Variants in NRG4 observed in about 807,000 individuals in gnomAD.
NRG4 encodes the protein neuregulin 4.
In NRG4, 10 loss-of-function variants were observed where a neutral mutation model predicts 15.0. That is an observed-to-expected ratio of 0.67 (90% CI 0.41 to 1.13). The LOEUF (loss-of-function observed/expected upper bound fraction) is 1.13, where lower values mean the gene tolerates loss of function less well. Among genes scored for constraint, NRG4 ranks in the 50% most tolerant of loss-of-function variants. NRG4 has a pLI of 0.00. For missense variants in NRG4, 139 were observed against 140.2 expected (o/e 0.99, Z 0.04); for synonymous variants, 41 against 50.1 (o/e 0.82, Z 0.77).
chr15:76,036,228 A>C (rs1201647430), intron 4 of NRG4, among the ~76,000 whole-genome samples: 2 of 152,224 alleles, frequency 1.3e-5, no homozygotes, highest in African/African-American at 4.8e-5. Context: ...CTTTTGAATA[A>C]CAGCAGCCGG....
At chr15:76,051,772 C>T (rs1016169967) in intron 4 of NRG4, among the ~76,000 whole-genome samples, 12 of 149,794 alleles carry the variant, frequency 8.0e-5, no homozygotes, top group Middle Eastern at 3.4e-3. Flanking sequence ...GGGGTTTCAC[C>T]ATGTTAGCCA....
At chr15:75,946,225 G>A (rs967097709) in intron 5 of NRG4, among the ~76,000 whole-genome samples, 4 of 152,162 alleles carry the variant, frequency 2.6e-5, no homozygotes, top group African/African-American at 7.2e-5. Context: ...GGAACTTTCC[G>A]TTTATATTTC....
chr15:76,027,641 T>C (rs971642680), intron 5 of NRG4, among the ~76,000 whole-genome samples: 5 of 152,288 alleles, frequency 3.3e-5, no homozygotes, highest in Middle Eastern at 6.8e-3. Context: ...ACAGGTCATC[T>C]AGCCAGAAAA....
chr15:76,040,886 C>G (rs1401796617), intron 4 of NRG4, among the ~76,000 whole-genome samples: 3 of 152,340 alleles, frequency 2.0e-5, no homozygotes, highest in Admixed American at 2.0e-4. Flanking sequence ...GATTGTGCCA[C>G]TGCACTCTAG....
At chr15:75,970,862 C>A (rs1029979992) in intron 3 of NRG4, among the ~76,000 whole-genome samples, 4 of 152,226 alleles carry the variant, frequency 2.6e-5, no homozygotes, top group African/African-American at 9.6e-5. Flanking sequence ...TAGGGCCTGG[C>A]TGACCTTGTG....
chr15:76,043,298 G>A (rs1156421985), intron 4 of NRG4, among the ~76,000 whole-genome samples: 1 of 152,106 alleles, frequency 6.6e-6, no homozygotes, highest in African/African-American at 2.4e-5. Flanking sequence ...GTCCTACCTA[G>A]AGCAATAGGA....
chr15:75,982,853 C>G (rs990505953), intron 3 of NRG4, among the ~76,000 whole-genome samples: 1 of 152,192 alleles, frequency 6.6e-6, no homozygotes, highest in African/African-American at 2.4e-5. Flanking sequence ...CCCCACATCT[C>G]TAACGGACAC....
chr15:75,959,967 C>G (rs1269862044), intron 4 of NRG4, among the ~76,000 whole-genome samples: 1 of 152,098 alleles, frequency 6.6e-6, no homozygotes, highest in Non-Finnish European at 1.5e-5. Flanking sequence ...AGTTTGAGTC[C>G]TTAAGTGACT....
chr15:75,954,134 T>C (rs1465989057), intron 5 of NRG4, among the ~76,000 whole-genome samples: 1 of 152,228 alleles, frequency 6.6e-6, no homozygotes, highest in Non-Finnish European at 1.5e-5. Context: ...AGTTCACTGA[T>C]GCTCTTTTCA....
intron 5 of NRG4, among the ~76,000 whole-genome samples, chr15:75,955,496 T>C (rs1285288865): frequency 6.6e-6 from 1 of 152,202 alleles, no homozygotes; most frequent in Non-Finnish European, 1.5e-5. Flanking sequence ...TAGAAGGAAA[T>C]AAATCCAGTG....
At chr15:75,976,533 C>T (rs2033373509) in intron 3 of NRG4, among the ~76,000 whole-genome samples, 1 of 152,088 alleles carries the variant, frequency 6.6e-6, no homozygotes, top group African/African-American at 2.4e-5. Context: ...TGTGGACACC[C>T]TTTTTGTTGA....
intron 3 of NRG4, among the ~76,000 whole-genome samples, chr15:76,002,671 TAGAA>T (rs753494090): frequency 6.6e-6 from 1 of 151,906 alleles, no homozygotes; most frequent in Non-Finnish European, 1.5e-5. Context: ...CACCAACAAA[TAGAA>T]AGCAATATTA....
chr15:75,985,626 G>A (rs2033772669), intron 3 of NRG4, among the ~76,000 whole-genome samples: 1 of 152,152 alleles, frequency 6.6e-6, no homozygotes, highest in Non-Finnish European at 1.5e-5. Context: ...ATAGAGAACT[G>A]TATGCCAACT....
intron 5 of NRG4, among the ~76,000 whole-genome samples, chr15:75,945,576 C>T (rs981074821): frequency 2.0e-5 from 3 of 152,030 alleles, no homozygotes; most frequent in African/African-American, 7.3e-5. Flanking sequence ...ATCTACAAAC[C>T]TAACAAACAA....
At chr15:75,949,626 C>T (rs1032455150) in intron 5 of NRG4, among the ~76,000 whole-genome samples, 2 of 152,054 alleles carry the variant, frequency 1.3e-5, no homozygotes, top group African/African-American at 2.4e-5. Context: ...TTCTTTTTAT[C>T]GATTGTGCTT....
At chr15:76,023,324 G>A (rs574216872) in intron 5 of NRG4, among the ~76,000 whole-genome samples, 41 of 151,780 alleles carry the variant, frequency 2.7e-4, no homozygotes, top group Admixed American at 2.2e-3. Flanking sequence ...TGGAAGCAAC[G>A]GAGAGTCATC....
chr15:75,985,959 G>A (rs556271925), intron 3 of NRG4, among the ~76,000 whole-genome samples: 11 of 152,200 alleles, frequency 7.2e-5, no homozygotes, highest in African/African-American at 2.6e-4. Context: ...TTCTACGATG[G>A]CTACTATAAG....
At chr15:75,979,225 CT>C (rs1381161413) in intron 3 of NRG4, among the ~76,000 whole-genome samples, 2 of 152,120 alleles carry the variant, frequency 1.3e-5, no homozygotes, top group Admixed American at 6.6e-5. Flanking sequence ...GCATTTCCCC[CT>C]ATGCATTCTT....
intron 4 of NRG4, among the ~76,000 whole-genome samples, chr15:76,038,057 T>G (rs988746787): frequency 3.9e-5 from 6 of 152,150 alleles, no homozygotes; most frequent in African/African-American, 1.4e-4. Context: ...CCTGGCAGGA[T>G]GCATCATCTG....
Sources: gnomAD v4.1 joint callset for allele counts (sites outside exome capture counted in the v4.1 genomes callset) on GRCh38, gnomAD v4.1.1 for gene constraint, MANE v1.5 for transcripts, NCBI Gene and HGNC (gene_info 2026-07-23, HGNC 2026-07-21) for gene names.